AFG1L: variants seen among roughly 807,000 people sequenced by gnomAD.
AFG1L encodes AFG1-like ATPase.
In AFG1L, 53 loss-of-function variants were observed where a neutral mutation model predicts 62.2. That is an observed-to-expected ratio of 0.85 (90% confidence interval 0.68 to 1.07). The LOEUF (loss-of-function observed/expected upper bound fraction) is 1.07. AFG1L is among the 50% of genes least tolerant of loss of function. AFG1L has a pLI of 0.00. For synonymous variants in AFG1L, 228 were observed against 210.3 expected (o/e 1.08, Z -0.73); for missense variants, 555 against 590.5 (o/e 0.94, Z 0.62).
chr6:108,339,992 C>T (rs561305481), intron 2 of AFG1L, among the ~76,000 whole-genome samples: 45 of 152,102 alleles, frequency 3.0e-4, no homozygotes, highest in African/African-American at 1.0e-3. Context: ...AGGACTTATT[C>T]TTTCTGTTTT....
At position 108,351,402 on chromosome 6, in the gene AFG1L, T is replaced by A. The variant is rs529104683; in HGVS notation, c.416-4252T>A. Among the ~76,000 whole-genome samples the A allele has an allele frequency of 5.3e-5, 8 of 152,334 alleles. No homozygotes were observed. The East Asian group carries it at 1.5e-3, about 29-fold the overall frequency. On this transcript the variant is annotated intron_variant, in intron 3 of 12. Transcript: ENST00000368977. Reference sequence around the variant, plus strand: ...TTACTGTTTATAGAAATGCGGTGGATTTTTTGATGACCTTGTATCCTGTGA... The same window carrying A: ...TTACTGTTTATAGAAATGCGGTGGAATTTTTGATGACCTTGTATCCTGTGA...
At chr6:108,374,435 C>G (rs1383578304) in intron 6 of AFG1L, among the ~76,000 whole-genome samples, 1 of 152,010 alleles carries the variant, frequency 6.6e-6, no homozygotes, top group Non-Finnish European at 1.5e-5. Context: ...GAATGGTGTT[C>G]CCTAGATTTT....
intron 10 of AFG1L, among the ~76,000 whole-genome samples, chr6:108,487,629 T>C (rs990423070): frequency 6.6e-6 from 1 of 152,186 alleles, no homozygotes; most frequent in African/African-American, 2.4e-5. Context: ...TATGAGTGTA[T>C]CAGGAGTTCA....
intron 7 of AFG1L, among the ~76,000 whole-genome samples, chr6:108,404,284 G>T (rs575970685): frequency 2.6e-5 from 4 of 152,060 alleles, no homozygotes; most frequent in Admixed American, 1.3e-4. Context: ...ATAGAAATTT[G>T]TTGAGGAAAA....
At chr6:108,433,473 C>T (rs1029247969) in intron 7 of AFG1L, among the ~76,000 whole-genome samples, 9 of 151,622 alleles carry the variant, frequency 5.9e-5, no homozygotes, top group East Asian at 1.9e-4. Flanking sequence ...TTGGTAGAGA[C>T]GGGATTTCAC....
At chr6:108,350,825 A>G (rs1380764590) in intron 3 of AFG1L, among the ~76,000 whole-genome samples, 1 of 152,118 alleles carries the variant, frequency 6.6e-6, no homozygotes, top group Admixed American at 6.5e-5. Flanking sequence ...ATTGATTCAG[A>G]TTCTAGTTTC....
intron 8 of AFG1L, among the ~76,000 whole-genome samples, chr6:108,453,819 C>T (rs934347740): frequency 1.3e-5 from 2 of 152,184 alleles, no homozygotes; most frequent in Non-Finnish European, 2.9e-5. Context: ...CCATCATTAC[C>T]ATTACAATTC....
rs143239556 is a variant in AFG1L, at chr6:108,463,974, G to A, written c.891-12891G>A. Among the ~76,000 whole-genome samples, 5 of 152,308 alleles carry A rather than the reference G, an allele frequency of 3.3e-5. No individual in the cohort carries two copies. The East Asian group carries it at 7.7e-4, about 24-fold the overall frequency. ...CGCAGGCAATCAGTAGAGTGAGAAG[G>A]CTCACTGCCAGGGAAGTTTGGCAAA... On this transcript the variant is annotated intron_variant, in intron 8 of 12. Transcript: ENST00000368977.
rs143332260 is a variant in AFG1L at position 108,376,027 on chromosome 6, G to T, written c.748+9695G>T. Among the ~76,000 whole-genome samples, 34 of 152,174 alleles carry T rather than the reference G, an allele frequency of 2.2e-4. No homozygotes were observed. In the East Asian group the frequency reaches 4.6e-3, roughly 21 times the overall value. On this transcript the variant is annotated intron_variant, in intron 6 of 12. Coordinates refer to ENST00000368977, the MANE Select transcript of AFG1L (RefSeq NM_145315.5). Reference sequence around the variant, plus strand: ...CTGTTTGGTGTTTCGATTTCTTTCTGATTCAATCTTGGGAGATTGTATGTT... The same window carrying T: ...CTGTTTGGTGTTTCGATTTCTTTCTTATTCAATCTTGGGAGATTGTATGTT...
chr6:108,478,385 C>T (rs2114819163), intron 10 of AFG1L, among the ~76,000 whole-genome samples: 1 of 152,350 alleles, frequency 6.6e-6, no homozygotes, highest in South Asian at 2.1e-4. Context: ...TGCATTGAGC[C>T]GAGGTCGCTC....
chr6:108,505,079 AT>A (rs34326858), intron 10 of AFG1L, among the ~76,000 whole-genome samples: 5,569 of 142,876 alleles, frequency 0.039, 354 homozygotes, highest in African/African-American at 0.13. Context: ...CTGAGCTTGG[AT>A]TTTTTTTTTT....
chr6:108,453,559 G>T (rs1007713824), intron 8 of AFG1L, among the ~76,000 whole-genome samples: 1 of 152,196 alleles, frequency 6.6e-6, no homozygotes, highest in East Asian at 1.9e-4. Flanking sequence ...TAAGACTGAA[G>T]CTTCTATGTG....
intron 10 of AFG1L, among the ~76,000 whole-genome samples, chr6:108,501,778 G>A (rs1774215492): frequency 6.6e-6 from 1 of 152,138 alleles, no homozygotes; most frequent in South Asian, 2.1e-4. Context: ...CAATAATACA[G>A]GCATACCTTG....
chr6:108,457,698 T>C (rs1772306398), intron 8 of AFG1L, among the ~76,000 whole-genome samples: 2 of 152,292 alleles, frequency 1.3e-5, no homozygotes, highest in Non-Finnish European at 2.9e-5. Flanking sequence ...TTCTTCATTC[T>C]GTTATATAGA....
At chr6:108,477,169 A>T in intron 9 of AFG1L, 23 bp from the exon 10 acceptor site, 1 of 1,442,866 alleles carries the variant, frequency 6.9e-7, no homozygotes, top group Non-Finnish European at 9.6e-7. Flanking sequence ...GACAAGATTG[A>T]GTCTTTGTTC....
chr6:108,439,521 C>T (rs1193459753), intron 7 of AFG1L, among the ~76,000 whole-genome samples: 1 of 152,032 alleles, frequency 6.6e-6, no homozygotes, highest in Non-Finnish European at 1.5e-5. Flanking sequence ...AGAATACATA[C>T]TGTATGATTT....
At chr6:108,407,133 A>G (rs556012113) in intron 7 of AFG1L, among the ~76,000 whole-genome samples, 2 of 152,042 alleles carry the variant, frequency 1.3e-5, no homozygotes, top group Non-Finnish European at 2.9e-5. Flanking sequence ...GGGATTCCTC[A>G]TGACAGCCTT....
At chr6:108,397,185 T>A (rs1781350934) in intron 6 of AFG1L, among the ~76,000 whole-genome samples, 1 of 152,110 alleles carries the variant, frequency 6.6e-6, no homozygotes, top group African/African-American at 2.4e-5. Context: ...CACACCACCA[T>A]GCCTGGCTAA....
At chr6:108,396,745 C>G (rs1273573125) in intron 6 of AFG1L, among the ~76,000 whole-genome samples, 1 of 152,082 alleles carries the variant, frequency 6.6e-6, no homozygotes, top group Non-Finnish European at 1.5e-5. Context: ...CCTGCCTCAG[C>G]CTCCCAAAGT....
Sources: allele counts gnomAD v4.1 joint callset (sites outside exome capture counted in the v4.1 genomes callset), GRCh38; gene constraint gnomAD v4.1.1; transcripts MANE v1.5; gene names NCBI Gene and HGNC (gene_info 2026-07-23, HGNC 2026-07-21).